The following MBNL1 variants were observed in gnomAD, a reference collection of about 807,000 sequenced individuals.
The protein encoded by MBNL1 is muscleblind like splicing regulator 1, also known as muscleblind-like protein 1.
Under a neutral mutation model 42.2 loss-of-function variants are expected in MBNL1, and 8 were observed. The observed-to-expected ratio is 0.19, with a 90% confidence interval of 0.11 to 0.34. The LOEUF (loss-of-function observed/expected upper bound fraction) is 0.34. MBNL1 is among the 10% of genes least tolerant of loss of function. The pLI is 1.00. For missense variants in MBNL1, 309 were observed against 495.3 expected (o/e 0.62, Z 3.57); for synonymous variants, 169 against 173.9 (o/e 0.97, Z 0.22).
intron 3 of MBNL1, among the ~76,000 whole-genome samples, chr3:152,427,044 G>C (rs1192580157): frequency 6.6e-6 from 1 of 152,140 alleles, no homozygotes; most frequent in African/African-American, 2.4e-5. Context: ...TTGAGATAAG[G>C]CACTTTATCC....
chr3:152,423,026 C>T (rs775193346), intron 3 of MBNL1, among the ~76,000 whole-genome samples: 6 of 152,086 alleles, frequency 3.9e-5, no homozygotes, highest in Non-Finnish European at 8.8e-5. Flanking sequence ...CTGAACATCA[C>T]GATTAAAATA....
At chr3:152,459,402 C>G (rs1330318859) in intron 9 of MBNL1, 57 bp downstream of exon 9, 2 of 1,020,960 alleles carry the variant, frequency 2.0e-6, no homozygotes, top group Non-Finnish European at 2.8e-6. Flanking sequence ...TTTAAGATAG[C>G]AATTGTATAG....
chr3:152,456,223 T>C, intron 7 of MBNL1, 44 bp from the exon 8 acceptor site: 1 of 1,340,920 alleles, frequency 7.5e-7, no homozygotes, highest in Non-Finnish European at 1.1e-6. Context: ...TCCATATTGC[T>C]ACACTCTTCT....
At chr3:152,417,657 A>T (rs1046326639) in intron 3 of MBNL1, among the ~76,000 whole-genome samples, 3 of 152,138 alleles carry the variant, frequency 2.0e-5, no homozygotes, top group Non-Finnish European at 2.9e-5. Context: ...GAGATCAATA[A>T]TTACTTGATG....
At chr3:152,248,632 T>C (rs1330132513) in intron 2 of MBNL1, among the ~76,000 whole-genome samples, 1 of 151,978 alleles carries the variant, frequency 6.6e-6, no homozygotes, top group East Asian at 1.9e-4. Flanking sequence ...AAATTATTAT[T>C]ATACTTCAAG....
At chr3:152,388,342 CAT>C (rs775622006) in intron 2 of MBNL1, among the ~76,000 whole-genome samples, 2 of 152,164 alleles carry the variant, frequency 1.3e-5, no homozygotes, top group Non-Finnish European at 2.9e-5. Flanking sequence ...CCGTGGAACA[CAT>C]AACATTAAAA....
chr3:152,272,594 TC>T (rs1312932729), intron 1 of MBNL1, among the ~76,000 whole-genome samples: 1 of 151,988 alleles, frequency 6.6e-6, no homozygotes, highest in Non-Finnish European at 1.5e-5. Context: ...AAAACCCATA[TC>T]CAAAGTCCTG....
Position 152,418,484 on chromosome 3 carries a change from G to A in MBNL1, c.345+3373G>A, listed in dbSNP as rs538067791. ...GGCCAGGAGTTCAAGACCAACCTGG[G>A]CAACATAGCAAGACACCAACTTAGG... On this transcript the variant is annotated intron_variant, in intron 3 of 9. Transcript: ENST00000324210. Among the ~76,000 whole-genome samples the A allele has an allele frequency of 3.8e-4, 57 of 151,844 alleles. 1 individual carries two copies. The highest frequency in any genetic ancestry group is 6.8e-4 in the Non-Finnish European group (46 of 67,932).
chr3:152,281,845 T>C (rs532467012), intron 1 of MBNL1, among the ~76,000 whole-genome samples: 2 of 152,196 alleles, frequency 1.3e-5, no homozygotes, highest in South Asian at 4.1e-4. Context: ...AACATTAAAA[T>C]AGACAAACAT....
chr3:152,428,947 G>T (rs1269293462), intron 3 of MBNL1, among the ~76,000 whole-genome samples: 2 of 152,114 alleles, frequency 1.3e-5, no homozygotes, highest in East Asian at 3.9e-4. Context: ...ACTTCAGAAG[G>T]CTGCAATTCA....
chr3:152,432,937 G>A lies in MBNL1; in HGVS notation c.549+17G>A. ...AGACTTGAGGTAGGAATGACTAGTT[G>A]GTGTCTTTATATACTACATTCTAAT... is the stretch of plus-strand genomic sequence containing the variant. On this transcript the variant is annotated intron_variant, in intron 4 of 9. Transcript: ENST00000324210. 1 of 1,602,976 alleles carries A rather than the reference G, an allele frequency of 6.2e-7. No individual in the cohort carries two copies.
intron 2 of MBNL1, among the ~76,000 whole-genome samples, chr3:152,246,280 A>G (rs905289468): frequency 2.0e-5 from 3 of 152,188 alleles, no homozygotes; most frequent in African/African-American, 7.2e-5. Flanking sequence ...TAAATTGGTC[A>G]TAAGTGTAAT....
At chr3:152,456,054 C>CT (rs143652155) in intron 7 of MBNL1, among the ~76,000 whole-genome samples, 3 of 151,800 alleles carry the variant, frequency 2.0e-5, no homozygotes, top group African/African-American at 7.3e-5. Flanking sequence ...TTTTTTCCCC[C>CT]TTTTTTTTCT....
At chr3:152,260,904 C>T (rs2036146852) in intron 2 of MBNL1, among the ~76,000 whole-genome samples, 2 of 152,176 alleles carry the variant, frequency 1.3e-5, no homozygotes, top group Admixed American at 6.5e-5. Flanking sequence ...AGTCCTAACT[C>T]CCTCATTTCT....
At chr3:152,428,983 T>A (rs2098972051) in intron 3 of MBNL1, among the ~76,000 whole-genome samples, 1 of 152,214 alleles carries the variant, frequency 6.6e-6, no homozygotes, top group African/African-American at 2.4e-5. Context: ...ACTCAAGTAC[T>A]AATTCAACAG....
At chr3:152,450,923 A>G (rs994969998) in intron 6 of MBNL1, among the ~76,000 whole-genome samples, 15 of 152,236 alleles carry the variant, frequency 9.9e-5, no homozygotes, top group African/African-American at 1.7e-4. Context: ...ACACATTCAC[A>G]TGTAATCTCA....
chr3:152,332,737 T>TGTGTGC (rs1553840823), intron 2 of MBNL1, among the ~76,000 whole-genome samples: 5 of 104,650 alleles, frequency 4.8e-5, no homozygotes, highest in Admixed American at 9.8e-5. Flanking sequence ...TGTGTGTGTG[T>TGTGTGC]GTGCGCGCGC....
chr3:152,382,038 T>G (rs1310849169), intron 2 of MBNL1, among the ~76,000 whole-genome samples: 1 of 152,076 alleles, frequency 6.6e-6, no homozygotes, highest in Non-Finnish European at 1.5e-5. Flanking sequence ...TGTAACTAAG[T>G]AGGCGTAACA....
intron 3 of MBNL1, among the ~76,000 whole-genome samples, chr3:152,415,740 GTCATAGATATTTAGTATT>G (rs2098689265): frequency 6.6e-6 from 1 of 152,196 alleles, no homozygotes; most frequent in Non-Finnish European, 1.5e-5. Context: ...AAACTGGGTG[GTCATAGATATTTAGTATT>G]TGCTGAGCAG....
Sources: allele counts gnomAD v4.1 joint callset (sites outside exome capture counted in the v4.1 genomes callset), GRCh38; gene constraint gnomAD v4.1.1; transcripts MANE v1.5; gene names NCBI Gene and HGNC (gene_info 2026-07-23, HGNC 2026-07-21).